The following NEUROD6 variants were observed in gnomAD, a reference collection of about 807,000 sequenced individuals.
The protein encoded by NEUROD6 is neurogenic differentiation factor 6.
In NEUROD6, 5 loss-of-function variants were observed where a neutral mutation model predicts 24.1. The observed-to-expected ratio is 0.21, with a 90% CI of 0.11 to 0.44. NEUROD6 has a LOEUF of 0.44. Among genes scored for constraint, NEUROD6 ranks in the 20% least tolerant of loss-of-function variants. The probability of loss-of-function intolerance (pLI) is 0.99; values close to 1 mark genes in which losing one functional copy is unlikely to be tolerated. For missense variants in NEUROD6, 325 were observed against 409.5 expected (o/e 0.79, Z 1.78); for synonymous variants, 182 against 154.1 (o/e 1.18, Z -1.34).
At position 31,338,666 on chromosome 7, in the gene NEUROD6, C is replaced by T. The variant is rs766469633; in HGVS notation, c.603G>A (p.Arg201=). ...GQGGEAAHHT[R]SPYSTFYPPY... ...GTGGGTAGAAGGTAGAGTAGGGTGA[C>T]CTTGTGTGGTGTGCAGCCTCCCCAC... Residue 201 remains arginine, a synonymous_variant, in exon 2 of 2, where the codon AGG becomes AGA. Transcript: ENST00000297142. This position sits in a 1 kb window ranked among gnomAD's most constrained non-coding sequence, Gnocchi z 5.1. 6 of 1,613,920 alleles carry T rather than the reference C, an allele frequency of 3.7e-6. No homozygotes were observed. Among genetic ancestry groups the T allele is most frequent in the Non-Finnish European group, 5.1e-6 (6 of 1,179,980 alleles).
chr7:31,338,933 G>A lies in NEUROD6; in HGVS notation c.336C>T (p.Asp112=). The change falls in exon 2 of 2, where the codon GAC becomes GAT. Residue 112 remains aspartate, a synonymous_variant. Transcript: ENST00000297142. This position sits in a 1 kb window ranked among gnomAD's most constrained non-coding sequence, Gnocchi z 5.1. ...CCACTTTTCTTAAGTTGTCCAGAGC[G>A]TCGTTGAGGCCGTGCATCCTGTTCC... is the stretch of plus-strand genomic sequence containing the variant. ...RERNRMHGLN[D]ALDNLRKVVP... is the part of the protein sequence containing the mutation. The A allele has an allele frequency of 6.2e-7, 1 of 1,614,124 alleles. No homozygotes were observed. Among genetic ancestry groups the A allele is most frequent in the African/African-American group, 1.3e-5 (1 of 75,014 alleles).
Position 31,338,613 on chromosome 7 carries a change from G to T in NEUROD6, c.656C>A (p.Pro219His), listed in dbSNP as rs1193123957. 6.2e-7 allele frequency: 1 copy of T among 1,613,870 alleles called. No individual in the cohort carries two copies. The highest frequency in any genetic ancestry group is 8.5e-7 in the Non-Finnish European group (1 of 1,179,938). Residue 219 changes from proline to histidine, a missense_variant, in exon 2 of 2, where the codon CCC (proline) becomes CAC (histidine). Coordinates refer to ENST00000297142, the MANE Select transcript of NEUROD6 (RefSeq NM_022728.4). The surrounding 1 kb of genome is among the most constrained non-coding windows in gnomAD (Gnocchi z 5.1). ...PPYHSPELTT[P>H]PGHGTLDNSK... is the part of the protein sequence containing the mutation. ...ATTATCAAGAGTCCCATGCCCTGGG[G>T]GAGTGGTGAGCTCAGGGCTGTGGTA...
chr7:31,338,417 A>G lies in NEUROD6; in HGVS notation c.852T>C (p.Asn284=). ...KQEETLDYGK[N]YNYGMHYCAV... is the part of the protein sequence containing the mutation. ...CACAGTAATGCATGCCGTAATTGTA[A>G]TTTTTACCATAGTCCAAGGTTTCTT... The change falls in exon 2 of 2, where the codon AAT becomes AAC. Residue 284 remains asparagine (N), a synonymous_variant. Transcript: ENST00000297142. The surrounding 1 kb of genome is among the most constrained non-coding windows in gnomAD (Gnocchi z 5.1). 1 of 1,614,078 alleles carries G rather than the reference A, an allele frequency of 6.2e-7. No individual in the cohort carries two copies. Among genetic ancestry groups the G allele is most frequent in the Non-Finnish European group, 8.5e-7 (1 of 1,180,010 alleles).
chr7:31,338,619 G>A lies in NEUROD6; in HGVS notation c.650C>T (p.Thr217Ile). The A allele has an allele frequency of 6.2e-7, 1 of 1,614,030 alleles. No homozygotes were observed. The highest frequency in any genetic ancestry group is 8.5e-7 in the Non-Finnish European group (1 of 1,179,984). The change falls in exon 2 of 2, where the codon ACC becomes ATC. Residue 217 changes from threonine to isoleucine, a missense_variant. Transcript: ENST00000297142. This position sits in a 1 kb window ranked among gnomAD's most constrained non-coding sequence, Gnocchi z 5.1. ...FYPPYHSPELTTPPGHGTLDN... is the reference protein window; with the variant it reads ...FYPPYHSPELITPPGHGTLDN... Reference sequence around the variant, plus strand: ...AAGAGTCCCATGCCCTGGGGGAGTGGTGAGCTCAGGGCTGTGGTAGGGTGG... The same window carrying A: ...AAGAGTCCCATGCCCTGGGGGAGTGATGAGCTCAGGGCTGTGGTAGGGTGG...
At chr7:31,340,414 A>G (rs1438415210) in intron 1 of NEUROD6, among the ~76,000 whole-genome samples, 179 bp downstream of exon 1, 1 of 152,220 alleles carries the variant, frequency 6.6e-6, no homozygotes, top group Non-Finnish European at 1.5e-5. Flanking sequence ...AGTAATGTCC[A>G]CATACTTGCA....
chr7:31,338,750 A>G lies in NEUROD6; in HGVS notation c.519T>C (p.Thr173=), dbSNP rs746936801. The G allele has an allele frequency of 2.5e-6, 4 of 1,614,130 alleles. No individual in the cohort carries two copies. The South Asian group carries it at 3.3e-5, about 13-fold the overall frequency. Residue 173 remains threonine (T), a synonymous_variant, in exon 2 of 2, where the codon ACT becomes ACC. Transcript: ENST00000297142. The surrounding 1 kb of genome is among the most constrained non-coding windows in gnomAD (Gnocchi z 5.1). ...QNLCKGLSQP[T]TNLVAGCLQL... ...GCAAGCAGCCTGCCACCAAGTTTGT[A>G]GTTGGCTGGGAAAGACCTTTGCATA...
intron 1 of NEUROD6, among the ~76,000 whole-genome samples, chr7:31,340,260 T>C (rs1783108752): frequency 6.6e-6 from 1 of 152,190 alleles, no homozygotes; most frequent in Non-Finnish European, 1.5e-5. Flanking sequence ...TCAAATGCAT[T>C]TTGGTTTTTG....
rs1219626830 is a variant in NEUROD6 at position 31,337,705 on chromosome 7, T to G, written c.*550A>C. On this transcript the variant is annotated 3_prime_UTR_variant, in exon 2 of 2. Transcript: ENST00000297142. ...TAGTTACCAATTGAATGCATTTAGA[T>G]TCATCCTTAATAAAAAGAAAATTGC... 2 of 152,758 alleles carry G rather than the reference T, an allele frequency of 1.3e-5. No homozygotes were observed. Among genetic ancestry groups the G allele is most frequent in the Non-Finnish European group, 2.9e-5 (2 of 68,136 alleles). The allele number at this position is 152,758 out of a possible 1,614,324, so 9.5% of individuals were successfully genotyped here. A position where few individuals can be genotyped will look rare whatever the true frequency, so the allele number is the denominator to read the frequency against.
chr7:31,340,376 A>G (rs931894565), intron 1 of NEUROD6, among the ~76,000 whole-genome samples: 2 of 152,222 alleles, frequency 1.3e-5, no homozygotes, highest in Non-Finnish European at 2.9e-5. Flanking sequence ...ACACACACAT[A>G]TACACACGAA....
At chr7:31,340,506 A>T (rs1783110952) in intron 1 of NEUROD6, 87 bp downstream of exon 1, 1 of 152,278 alleles carries the variant, frequency 6.6e-6, no homozygotes, top group Admixed American at 6.5e-5. Flanking sequence ...CAAAGAGCAT[A>T]TAAATACTAT....
In NEUROD6 at chr7:31,338,638, A is replaced by G; in HGVS notation, c.631T>C (p.Tyr211His). The G allele has an allele frequency of 6.2e-7, 1 of 1,614,118 alleles. No homozygotes were observed. Among genetic ancestry groups the G allele is most frequent in the Non-Finnish European group, 8.5e-7 (1 of 1,180,010 alleles). ...RSPYSTFYPPYHSPELTTPPG... is the reference protein window; with the variant it reads ...RSPYSTFYPPHHSPELTTPPG... ...GGAGTGGTGAGCTCAGGGCTGTGGT[A>G]GGGTGGGTAGAAGGTAGAGTAGGGT... Residue 211 changes from tyrosine to histidine, a missense_variant, in exon 2 of 2, where the codon TAC becomes CAC. By Grantham distance (83) the Tyr-to-His change is moderately conservative (BLOSUM62 2). This residue lies in a region of NEUROD6 where 175 missense variants were observed against 201.3 expected (regional missense o/e 0.87). Transcript: ENST00000297142. The surrounding 1 kb of genome is among the most constrained non-coding windows in gnomAD (Gnocchi z 5.1).
chr7:31,339,170 C>T lies in NEUROD6; in HGVS notation c.99G>A (p.Lys33=). ...CAATCTGTTTGGAAAAGCTTTCTGG[C>T]TTCTTAATTTGCTTCTGGTCCTCGC... is the stretch of plus-strand genomic sequence containing the variant. The part of the protein sequence containing the change: ...RECEDQKQIK[K]PESFSKQIVL... Residue 33 remains lysine, a synonymous_variant, in exon 2 of 2, where the codon AAG becomes AAA. Coordinates refer to ENST00000297142, the MANE Select transcript of NEUROD6 (RefSeq NM_022728.4). 1 of 1,614,034 alleles carries T rather than the reference C, an allele frequency of 6.2e-7. No individual in the cohort carries two copies. The highest frequency in any genetic ancestry group is 2.2e-5 in the East Asian group (1 of 44,868).
Position 31,338,642 on chromosome 7 carries a change from T to C in NEUROD6, c.627A>G (p.Pro209=). The change falls in exon 2 of 2, where the codon CCA becomes CCG. Residue 209 remains proline, a synonymous_variant. Coordinates refer to ENST00000297142, the MANE Select transcript of NEUROD6 (RefSeq NM_022728.4). The surrounding 1 kb of genome is among the most constrained non-coding windows in gnomAD (Gnocchi z 5.1). Reference sequence around the variant, plus strand: ...TGGTGAGCTCAGGGCTGTGGTAGGGTGGGTAGAAGGTAGAGTAGGGTGACC... The same window carrying C: ...TGGTGAGCTCAGGGCTGTGGTAGGGCGGGTAGAAGGTAGAGTAGGGTGACC... ...HTRSPYSTFY[P]PYHSPELTTP... is the part of the protein sequence containing the mutation. 1 of 1,613,758 alleles carries C rather than the reference T, an allele frequency of 6.2e-7. No individual in the cohort carries two copies.
Position 31,338,462 on chromosome 7 carries a change from C to A in NEUROD6, c.807G>T (p.Gly269=), listed in dbSNP as rs778784049. 6.2e-7 allele frequency: 1 copy of A among 1,614,054 alleles called. No individual in the cohort carries two copies. The change falls in exon 2 of 2, where the codon GGG becomes GGT. Residue 269 remains glycine (G), a synonymous_variant. Transcript: ENST00000297142. The surrounding 1 kb of genome is among the most constrained non-coding windows in gnomAD (Gnocchi z 5.1). ...PLSPPPINYN[G]IFSLKQEETL... ...TTTCTTCTTGCTTCAGGGAAAATAT[C>A]CCATTATAGTTAATTGGGGGAGGAC...
chr7:31,338,413 T>A lies in NEUROD6; in HGVS notation c.856A>T (p.Asn286Tyr). The A allele has an allele frequency of 6.2e-7, 1 of 1,614,170 alleles. No homozygotes were observed. The highest frequency in any genetic ancestry group is 8.5e-7 in the Non-Finnish European group (1 of 1,180,034). The change falls in exon 2 of 2, where the codon AAT (asparagine) becomes TAT (tyrosine). Residue 286 changes from asparagine (N) to tyrosine (Y), a missense_variant. By Grantham distance (143) the Asn-to-Tyr change is moderately radical. Coordinates refer to ENST00000297142, the MANE Select transcript of NEUROD6 (RefSeq NM_022728.4). The surrounding 1 kb of genome is among the most constrained non-coding windows in gnomAD (Gnocchi z 5.1). ...EETLDYGKNYNYGMHYCAVPP... is the reference protein window; with the variant it reads ...EETLDYGKNYYYGMHYCAVPP... ...ACTGCACAGTAATGCATGCCGTAAT[T>A]GTAATTTTTACCATAGTCCAAGGTT...
chr7:31,338,183 G>T lies in NEUROD6; in HGVS notation c.*72C>A. The T allele has an allele frequency of 1.6e-6, 2 of 1,273,834 alleles. No homozygotes were observed. The highest frequency in any genetic ancestry group is 1.5e-5 in the African/African-American group (1 of 67,996). 78.9% of individuals were successfully genotyped at this position (1,273,834 alleles called of 1,614,324 possible). On this transcript the variant is annotated 3_prime_UTR_variant, in exon 2 of 2. Coordinates refer to ENST00000297142, the MANE Select transcript of NEUROD6 (RefSeq NM_022728.4). The surrounding 1 kb of genome is among the most constrained non-coding windows in gnomAD (Gnocchi z 5.1). ...TAGATAGAGTTGTGCCAATTACTCA[G>T]CCCACAAGCATCTGCTTTGTCTTAA...
In NEUROD6 at chr7:31,338,367, C is replaced by G; in HGVS notation, c.902G>C (p.Gly301Ala). ...YCAVPPRGPL[G>A]QGAMFRLPTD... is the part of the protein sequence containing the mutation. ...GGGCAACCTGAACATGGCACCCTGC[C>G]CAAGGGGACCCCTGGGTGGCACTGC... The change falls in exon 2 of 2, where the codon GGG becomes GCG. Residue 301 changes from glycine to alanine, a missense_variant. Transcript: ENST00000297142. The surrounding 1 kb of genome is among the most constrained non-coding windows in gnomAD (Gnocchi z 5.1). The G allele has an allele frequency of 6.2e-7, 1 of 1,614,032 alleles. No homozygotes were observed. The highest frequency in any genetic ancestry group is 1.3e-5 in the African/African-American group (1 of 75,010).
chr7:31,340,005 C>A (rs778139303), intron 1 of NEUROD6, among the ~76,000 whole-genome samples: 3 of 150,162 alleles, frequency 2.0e-5, no homozygotes, highest in Non-Finnish European at 4.5e-5. Flanking sequence ...AAATCACTAG[C>A]AATTTCTTTT....
Position 31,338,736 on chromosome 7 carries a change from G to T in NEUROD6, c.533C>A (p.Ala178Glu). 1 of 1,614,110 alleles carries T rather than the reference G, an allele frequency of 6.2e-7. No homozygotes were observed. The highest frequency in any genetic ancestry group is 1.3e-5 in the African/African-American group (1 of 75,020). Residue 178 changes from alanine (A) to glutamate (E), a missense_variant, in exon 2 of 2, where the codon GCA becomes GAA. By Grantham distance (107) the Ala-to-Glu change is moderately radical. Coordinates refer to ENST00000297142, the MANE Select transcript of NEUROD6 (RefSeq NM_022728.4). This position sits in a 1 kb window ranked among gnomAD's most constrained non-coding sequence, Gnocchi z 5.1. Reference protein sequence around the residue: ...GLSQPTTNLVAGCLQLNARSF... With the variant: ...GLSQPTTNLVEGCLQLNARSF... ...CCTGGCGTTGAGCTGCAAGCAGCCT[G>T]CCACCAAGTTTGTAGTTGGCTGGGA... is the stretch of plus-strand genomic sequence containing the variant.
Sources: gnomAD v4.1 joint callset for allele counts (sites outside exome capture counted in the v4.1 genomes callset) on GRCh38, gnomAD v4.1.1 for gene constraint, gnomAD v4.1.1 regional missense constraint, Gnocchi (gnomAD v3.1) non-coding constraint, MANE v1.5 for transcripts, NCBI Gene and HGNC (gene_info 2026-07-23, HGNC 2026-07-21) for gene names.